Variants in COX7A2L observed in about 807,000 individuals in gnomAD.
The protein encoded by COX7A2L is cytochrome c oxidase subunit 7A2 like, also known as cytochrome c oxidase subunit 7A2-like, mitochondrial.
Under a neutral mutation model 14.2 loss-of-function variants are expected in COX7A2L, and 18 were observed. The observed-to-expected ratio is 1.27, with a 90% CI of 0.88 to 1.88. The LOEUF is 1.88. COX7A2L is among the 40% of genes most tolerant of loss of function. The pLI is 0.00. For missense variants in COX7A2L, 179 were observed against 138.8 expected (o/e 1.29, Z -1.46); for synonymous variants, 65 against 57.4 (o/e 1.13, Z -0.60).
At chr2:42,355,873 A>G (rs10179225) in intron 1 of COX7A2L, among the ~76,000 whole-genome samples, 73,603 of 151,318 alleles carry the variant, frequency 0.49, 18,453 homozygotes, top group East Asian at 0.74. Flanking sequence ...CTACAGGTGC[A>G]CGCCACCACG....
downstream of COX7A2L, among the ~76,000 whole-genome samples, chr2:42,347,274 T>TCAA: frequency 6.7e-6 from 1 of 149,442 alleles, no homozygotes; most frequent in South Asian, 2.1e-4. Context: ...ACAGGCACTC[T>TCAA]CAACACTGCT....
At chr2:42,341,671 A>T (rs1670406374) in intron 2 of COX7A2L, among the ~76,000 whole-genome samples, 1 of 152,210 alleles carries the variant, frequency 6.6e-6, no homozygotes, top group South Asian at 2.1e-4. Flanking sequence ...GTTCCAGAGG[A>T]GGCAAGGGAA....
At chr2:42,368,311 A>G (rs938423318) in intron 1 of COX7A2L, among the ~76,000 whole-genome samples, 5 of 152,348 alleles carry the variant, frequency 3.3e-5, no homozygotes, top group South Asian at 4.1e-4. Flanking sequence ...AAATATTGAG[A>G]GCATTACAAA....
intron 2 of COX7A2L, among the ~76,000 whole-genome samples, chr2:42,344,014 A>G (rs1670449004): frequency 6.6e-6 from 1 of 152,218 alleles, no homozygotes; most frequent in South Asian, 2.1e-4. Context: ...AAAGCCAGGG[A>G]TAAGTGGGCA....
At chr2:42,358,223 T>C (rs1426857092) in intron 1 of COX7A2L, among the ~76,000 whole-genome samples, 1 of 152,252 alleles carries the variant, frequency 6.6e-6, no homozygotes, top group African/African-American at 2.4e-5. Flanking sequence ...GGTTGTGATT[T>C]GCTCTAATAA....
chr2:42,355,007 T>C (rs1431316484), intron 1 of COX7A2L, among the ~76,000 whole-genome samples: 3 of 152,138 alleles, frequency 2.0e-5, no homozygotes, highest in Non-Finnish European at 4.4e-5. Flanking sequence ...TTTGATCAAA[T>C]AGTGAAAAGC....
rs895571974 is a variant in COX7A2L, at chr2:42,342,695, G to A, written c.193-8826C>T. On this transcript the variant is annotated intron_variant, in intron 2 of 2. Transcript: ENST00000468711. This position sits in a 1 kb window ranked among gnomAD's most constrained non-coding sequence, Gnocchi z 4.9. The stretch of plus-strand genomic sequence containing the variant: ...ACCATGACTAATCTATGTCATAGAC[G>A]AGGTCAGAACAAGAGAAGGCAGGAT... 6.6e-5 allele frequency among the ~76,000 whole-genome samples: 10 copies of A among 151,760 alleles called. No individual in the cohort carries two copies. The highest frequency in any genetic ancestry group is 1.3e-4 in the Non-Finnish European group (9 of 67,702).
In COX7A2L at chr2:42,338,006, G is replaced by A. The variant is rs974727312; in HGVS notation, c.193-4137C>T. On this transcript the variant is annotated intron_variant, in intron 2 of 2. Transcript: ENST00000468711. The surrounding 1 kb of genome is among the most constrained non-coding windows in gnomAD (Gnocchi z 4.4). Reference sequence around the variant, plus strand: ...GCGTGGCCATGAGGGAAGCCTAGGCGAGGGAGGGTGTCAGTCTGGGGTATG... The same window carrying A: ...GCGTGGCCATGAGGGAAGCCTAGGCAAGGGAGGGTGTCAGTCTGGGGTATG... Among the ~76,000 whole-genome samples, 1 of 152,186 alleles carries A rather than the reference G, an allele frequency of 6.6e-6. No homozygotes were observed. The highest frequency in any genetic ancestry group is 1.5e-5 in the Non-Finnish European group (1 of 68,036).
chr2:42,363,627 T>C (rs918644400), upstream of COX7A2L, among the ~76,000 whole-genome samples: 3 of 152,240 alleles, frequency 2.0e-5, no homozygotes, highest in African/African-American at 7.2e-5. Flanking sequence ...TCACATGGAA[T>C]GGCTGATCAT....
intron 1 of COX7A2L, 50 bp from the exon 2 acceptor site, chr2:42,353,393 C>T (rs1670712669): frequency 1.9e-6 from 3 of 1,607,848 alleles, no homozygotes; most frequent in South Asian, 1.1e-5. Context: ...TCTGAGGAGG[C>T]TGTCTGGAAT....
At chr2:42,353,483 T>C (rs1004240746) in intron 1 of COX7A2L, 140 bp from the exon 2 acceptor site, 1 of 1,130,450 alleles carries the variant, frequency 8.8e-7, no homozygotes, top group Non-Finnish European at 1.3e-6. Flanking sequence ...AAGAACCCCT[T>C]GCCATTACGA....
intron 2 of COX7A2L, among the ~76,000 whole-genome samples, chr2:42,337,534 C>T (rs1206775781): frequency 6.6e-6 from 1 of 151,974 alleles, no homozygotes; most frequent in African/African-American, 2.4e-5. Context: ...GGATGGCGGC[C>T]ACCATGAATC....
chr2:42,358,095 T>C (rs774730207), intron 1 of COX7A2L, among the ~76,000 whole-genome samples: 1 of 152,232 alleles, frequency 6.6e-6, no homozygotes, highest in Non-Finnish European at 1.5e-5. Context: ...CTGCGTCATT[T>C]TACCATTTCC....
intron 1 of COX7A2L, 37 bp from the exon 2 acceptor site, chr2:42,353,380 ATGTCTGAGGAGGC>A (rs1558632450): frequency 6.2e-7 from 1 of 1,610,178 alleles, no homozygotes; most frequent in East Asian, 2.2e-5. Context: ...AGTTGAAAGT[ATGTCTGAGGAGGC>A]TGTCTGGAAT....
chr2:42,360,573 G>A (rs1325163476), intron 1 of COX7A2L, among the ~76,000 whole-genome samples: 1 of 152,078 alleles, frequency 6.6e-6, no homozygotes, highest in Admixed American at 6.6e-5. Context: ...TCCCTCCCTG[G>A]ACGTGTTAAG....
chr2:42,350,907 G>A lies in COX7A2L; in HGVS notation c.*312C>T, dbSNP rs929476140. The A allele has an allele frequency of 4.2e-5, 8 of 189,700 alleles. No individual in the cohort carries two copies. Among genetic ancestry groups the A allele is most frequent in the African/African-American group, 1.9e-4 (8 of 42,844 alleles). The allele number at this position is 189,700 out of a possible 1,614,324, so 11.8% of individuals were successfully genotyped here. On this transcript the variant is annotated 3_prime_UTR_variant, in exon 3 of 3. Coordinates refer to ENST00000234301, the MANE Select transcript of COX7A2L (RefSeq NM_004718.4). Reference sequence around the variant, plus strand: ...CCCATGCTCAAAAATGCAACCTCAAGTCCCTGAGGTCCTCAGCACAGACTG... The same window carrying A: ...CCCATGCTCAAAAATGCAACCTCAAATCCCTGAGGTCCTCAGCACAGACTG...
At chr2:42,335,963 C>T (rs1489073641) in intron 2 of COX7A2L, among the ~76,000 whole-genome samples, 1 of 152,210 alleles carries the variant, frequency 6.6e-6, no homozygotes, top group Non-Finnish European at 1.5e-5. Flanking sequence ...CACCTGCTGC[C>T]AGCAAATGCC....
rs1010515201 is a variant in COX7A2L at position 42,338,405 on chromosome 2, G to A, written c.193-4536C>T. Among the ~76,000 whole-genome samples the A allele has an allele frequency of 6.6e-6, 1 of 152,154 alleles. No homozygotes were observed. Among genetic ancestry groups the A allele is most frequent in the African/African-American group, 2.4e-5 (1 of 41,450 alleles). ...CTAGCAGAGCCCTCCCAAGACTGCC[G>A]CAGAACTGAGATGAGGTGACCAGGC... On this transcript the variant is annotated intron_variant, in intron 2 of 2. Coordinates refer to the COX7A2L transcript ENST00000468711. This position sits in a 1 kb window ranked among gnomAD's most constrained non-coding sequence, Gnocchi z 4.4.
downstream of COX7A2L, among the ~76,000 whole-genome samples, chr2:42,344,831 A>G (rs2103878578): frequency 6.6e-6 from 1 of 151,958 alleles, no homozygotes; most frequent in South Asian, 2.1e-4. Flanking sequence ...AGCCTGGGTG[A>G]CAAAGCAAGA....
Sources: gnomAD v4.1 joint callset for allele counts (sites outside exome capture counted in the v4.1 genomes callset) on GRCh38, gnomAD v4.1.1 for gene constraint, Gnocchi (gnomAD v3.1) non-coding constraint, MANE v1.5 for transcripts, NCBI Gene and HGNC (gene_info 2026-07-23, HGNC 2026-07-21) for gene names.